The following ARHGEF12 variants were observed in gnomAD, a reference collection of about 807,000 sequenced individuals.
ARHGEF12 encodes KMT2A/ARHGEF12 fusion protein.
Under a neutral mutation model 211.2 loss-of-function variants are expected in ARHGEF12, and 66 were observed. The observed-to-expected ratio is 0.31, with a 90% confidence interval of 0.26 to 0.38. ARHGEF12 has a LOEUF of 0.38. ARHGEF12 is among the 10% of genes least tolerant of loss of function. The pLI is 1.00. For missense variants in ARHGEF12, 1,429 were observed against 1,869.5 expected (o/e 0.76, Z 4.34); for synonymous variants, 592 against 638.4 (o/e 0.93, Z 1.09).
At chr11:120,412,066 G>A (rs1037390516) in intron 4 of ARHGEF12, among the ~76,000 whole-genome samples, 1 of 152,040 alleles carries the variant, frequency 6.6e-6, no homozygotes, top group African/African-American at 2.4e-5. Flanking sequence ...GCGGTCAGTT[G>A]GTTATTTATT....
At chr11:120,447,520 T>G (rs901187665) in intron 18 of ARHGEF12, among the ~76,000 whole-genome samples, 13 of 152,082 alleles carry the variant, frequency 8.5e-5, no homozygotes, top group African/African-American at 3.1e-4. Flanking sequence ...GGTATCTGAG[T>G]TAATAACAAT....
chr11:120,440,733 G>A (rs1428787938), intron 13 of ARHGEF12, among the ~76,000 whole-genome samples: 1 of 152,014 alleles, frequency 6.6e-6, no homozygotes, highest in African/African-American at 2.4e-5. Context: ...CTTCCACTAT[G>A]AGGTTGAATC....
Position 120,440,212 on chromosome 11 carries a change from A to T in ARHGEF12, c.1083A>T (p.Glu361Asp), listed in dbSNP as rs370519171. 1 of 1,612,392 alleles carries T rather than the reference A, an allele frequency of 6.2e-7. No homozygotes were observed. Among genetic ancestry groups the T allele is most frequent in the Admixed American group, 1.7e-5 (1 of 59,884 alleles). The change falls in exon 13 of 41, where the codon GAA (glutamate) becomes GAT (aspartate). Residue 361 changes from glutamate to aspartate, a missense_variant. Coordinates refer to ENST00000397843, the MANE Select transcript of ARHGEF12 (RefSeq NM_015313.3). ...CAGAAGATGATGATTTTGGTACTGAACATGAACAGGTGATGACTTTTTTCT... is the reference window on the plus strand; with the variant it reads ...CAGAAGATGATGATTTTGGTACTGATCATGAACAGGTGATGACTTTTTTCT... ...IGAEDDDFGTEHEQINGQCSC... is the reference protein window; with the variant it reads ...IGAEDDDFGTDHEQINGQCSC...
chr11:120,488,877 T>A lies in ARHGEF12; in HGVS notation c.*3800T>A, dbSNP rs925528575. On this transcript the variant is annotated 3_prime_UTR_variant, in exon 41 of 41. Coordinates refer to ENST00000397843, the MANE Select transcript of ARHGEF12 (RefSeq NM_015313.3). ...CTAAAAGACTTTATTGTTCTAATTA[T>A]CCAGATGTACCTTTGTAAAATAGCT... 1 of 214,876 alleles carries A rather than the reference T, an allele frequency of 4.7e-6. No individual in the cohort carries two copies. The highest frequency in any genetic ancestry group is 2.3e-5 in the African/African-American group (1 of 44,340). 13.3% of individuals were successfully genotyped at this position (214,876 alleles called of 1,614,324 possible).
intron 5 of ARHGEF12, among the ~76,000 whole-genome samples, 176 bp from the exon 6 acceptor site, chr11:120,421,627 G>A (rs1038886137): frequency 1.3e-5 from 2 of 151,724 alleles, no homozygotes; most frequent in Non-Finnish European, 2.9e-5. Context: ...TAGTAGAGAC[G>A]GGGTTTTACC....
intron 6 of ARHGEF12, among the ~76,000 whole-genome samples, 164 bp downstream of exon 6, chr11:120,422,016 C>T (rs115048809): frequency 0.013 from 1,970 of 152,150 alleles, 50 homozygotes; most frequent in African/African-American, 0.045. Flanking sequence ...AAAATTAATA[C>T]TACCCTTTAC....
At chr11:120,448,402 T>C (rs1224229211) in intron 20 of ARHGEF12, 54 bp downstream of exon 20, 1 of 1,332,874 alleles carries the variant, frequency 7.5e-7, no homozygotes, top group East Asian at 2.3e-5. Context: ...TCTTTACATT[T>C]GGTTGCAGTG....
rs1352210321 is a variant in ARHGEF12 at position 120,477,188 on chromosome 11, G to A, written c.3366-31G>A. 1.2e-5 allele frequency: 19 copies of A among 1,554,904 alleles called. No individual in the cohort carries two copies. The East Asian group carries it at 3.6e-4, about 29-fold the overall frequency. On this transcript the variant is annotated intron_variant, in intron 34 of 40. Transcript: ENST00000397843. ...AAAGGATATTTCTTTTTTCTTTTTT[G>A]TATTTTGGATTTCTTTCCAACTTTC...
intron 11 of ARHGEF12, among the ~76,000 whole-genome samples, chr11:120,434,537 T>G (rs1280126861): frequency 6.6e-6 from 1 of 152,248 alleles, no homozygotes; most frequent in African/African-American, 2.4e-5. Flanking sequence ...GGTCTGCTTT[T>G]GTTGTTGTTT....
chr11:120,380,580 G>T (rs1454295322), intron 1 of ARHGEF12, among the ~76,000 whole-genome samples: 1 of 152,146 alleles, frequency 6.6e-6, no homozygotes, highest in African/African-American at 2.4e-5. Flanking sequence ...TGCGTTTTTG[G>T]AAAGAATCCT....
intron 28 of ARHGEF12, among the ~76,000 whole-genome samples, chr11:120,465,928 C>G (rs954224065): frequency 4.6e-5 from 7 of 152,164 alleles, no homozygotes; most frequent in African/African-American, 1.7e-4. Context: ...ACCGTATGCT[C>G]TATTAAGAGA....
At chr11:120,347,264 C>CTGTGTG (rs1315373728) in intron 1 of ARHGEF12, among the ~76,000 whole-genome samples, 3 of 112,882 alleles carry the variant, frequency 2.7e-5, no homozygotes, top group African/African-American at 1.1e-4. Flanking sequence ...CTCTCTCTCT[C>CTGTGTG]TCTGTCTGTG....
intron 1 of ARHGEF12, among the ~76,000 whole-genome samples, chr11:120,396,324 A>G (rs1591539960): frequency 6.6e-6 from 1 of 152,300 alleles, no homozygotes; most frequent in Middle Eastern, 3.4e-3. Context: ...TTCCCAGGAG[A>G]TGGAGCTTAA....
At chr11:120,418,652 G>A (rs113399439) in intron 4 of ARHGEF12, among the ~76,000 whole-genome samples, 1,854 of 152,270 alleles carry the variant, frequency 0.012, 31 homozygotes, top group African/African-American at 0.041. Context: ...CACCAGCAAT[G>A]TTATAATGTT....
At chr11:120,452,801 GC>G (rs1946251509) in intron 22 of ARHGEF12, among the ~76,000 whole-genome samples, 1 of 152,118 alleles carries the variant, frequency 6.6e-6, no homozygotes, top group Non-Finnish European at 1.5e-5. Context: ...TTGGAGAGCA[GC>G]CTGGCCAACA....
Position 120,448,322 on chromosome 11 carries a change from C to T in ARHGEF12, c.1711C>T (p.Arg571Trp), listed in dbSNP as rs1404655484. 3 of 1,614,000 alleles carry T rather than the reference C, an allele frequency of 1.9e-6. No individual in the cohort carries two copies. Among genetic ancestry groups the T allele is most frequent in the Non-Finnish European group, 2.5e-6 (3 of 1,179,962 alleles). ...TCGAAATTTGGAGCACAAACGGGGT[C>T]GGATTGGATTTCTTCCCAAAATCAA... ...EPRNLEHKRG[R>W]IGFLPKIKQS... is the part of the protein sequence containing the mutation. The change falls in exon 20 of 41, where the codon CGG becomes TGG. Residue 571 changes from arginine to tryptophan, a missense_variant. Physicochemically the swap from Arg to Trp is moderately radical, Grantham distance 101. Coordinates refer to ENST00000397843, the MANE Select transcript of ARHGEF12 (RefSeq NM_015313.3).
intron 1 of ARHGEF12, among the ~76,000 whole-genome samples, chr11:120,401,306 A>G (rs540168352): frequency 1.1e-4 from 17 of 152,294 alleles, no homozygotes; most frequent in African/African-American, 4.1e-4. Context: ...TGGTTCTGTG[A>G]ATCTTACTGT....
chr11:120,440,151 G>C lies in ARHGEF12; in HGVS notation c.1022G>C (p.Ser341Thr). 1 of 1,612,962 alleles carries C rather than the reference G, an allele frequency of 6.2e-7. No individual in the cohort carries two copies. Among genetic ancestry groups the C allele is most frequent in the South Asian group, 1.1e-5 (1 of 90,822 alleles). Reference sequence around the variant, plus strand: ...CAGGACACTCAATCACTTGTCGGAAGTCCCTCAACCCGTATAGCACCTCAT... The same window carrying C: ...CAGGACACTCAATCACTTGTCGGAACTCCCTCAACCCGTATAGCACCTCAT... The part of the protein sequence containing the change: ...QDTDTQSLVG[S>T]PSTRIAPHII... Residue 341 changes from serine (S) to threonine (T), a missense_variant, in exon 13 of 41, where the codon AGT becomes ACT. Transcript: ENST00000397843.
intron 1 of ARHGEF12, among the ~76,000 whole-genome samples, chr11:120,387,496 A>G (rs1944074355): frequency 6.6e-6 from 1 of 152,108 alleles, no homozygotes; most frequent in Admixed American, 6.5e-5. Flanking sequence ...CTTAACACCA[A>G]AAGATTCCCT....
Sources: allele counts gnomAD v4.1 joint callset (sites outside exome capture counted in the v4.1 genomes callset), GRCh38; gene constraint gnomAD v4.1.1; transcripts MANE v1.5; gene names NCBI Gene and HGNC (gene_info 2026-07-23, HGNC 2026-07-21).